Variants in MYH3 observed in about 807,000 individuals in gnomAD.
The protein encoded by MYH3 is myosin heavy chain 3.
In MYH3, 130 loss-of-function variants were observed where a neutral mutation model predicts 238.0. The ratio of observed to expected loss-of-function variants is 0.55; its 90% CI spans 0.47 to 0.63. The LOEUF (loss-of-function observed/expected upper bound fraction) is 0.63, where lower values mean the gene tolerates loss of function less well. Among genes scored for constraint, MYH3 ranks in the 30% least tolerant of loss-of-function variants. The pLI, the probability that MYH3 is intolerant of heterozygous loss-of-function variation, is 0.00. For synonymous variants in MYH3, 880 were observed against 924.1 expected (o/e 0.95, Z 0.86); for missense variants, 1,853 against 2,374.9 (o/e 0.78, Z 4.57).
At chr17:10,658,997 A>G (rs201612), upstream of MYH3, 86,474 of 151,934 alleles carry the variant, frequency 0.57, 26,917 homozygotes, top group African/African-American at 0.82. Flanking sequence ...GGGACAGGGC[A>G]AGCTGTCCTG....
At position 10,642,426 on chromosome 17, in the gene MYH3, T is replaced by C; in HGVS notation, c.1879A>G (p.Thr627Ala). 6.2e-7 allele frequency: 1 copy of C among 1,614,212 alleles called. No homozygotes were observed. ...LLAHLYATFA[T>A]ADADSGKKKV... Reference sequence around the variant, plus strand: ...AAAGCACTCCTCTTACCATCCGCCGTGGCAAACGTGGCATAGAGGTGTGCC... The same window carrying C: ...AAAGCACTCCTCTTACCATCCGCCGCGGCAAACGTGGCATAGAGGTGTGCC... The change falls in exon 16 of 41, where the codon ACG becomes GCG. Residue 627 changes from threonine to alanine, a missense_variant. Thr to Ala is a moderately conservative substitution (Grantham distance 58). Coordinates refer to ENST00000583535, the MANE Select transcript of MYH3 (RefSeq NM_002470.4). The surrounding 1 kb of genome is among the most constrained non-coding windows in gnomAD (Gnocchi z 5.4).
upstream of MYH3, among the ~76,000 whole-genome samples, chr17:10,662,236 G>A (rs776159897): frequency 2.6e-5 from 4 of 151,988 alleles, no homozygotes; most frequent in Non-Finnish European, 4.4e-5. Context: ...TGTTCAGGCT[G>A]GTCTCAAATT....
Position 10,649,558 on chromosome 17 carries a change from C to G in MYH3, c.642+19G>C. The G allele has an allele frequency of 5.0e-5, 78 of 1,551,176 alleles. No individual in the cohort carries two copies. Among genetic ancestry groups the G allele is most frequent in the Non-Finnish European group, 6.6e-5 (74 of 1,122,714 alleles). ...AGTTAAAAGTGGAAGCAAAGCAAGC[C>G]TTCCTCTCCCATCTATACCTTCATT... On this transcript the variant is annotated intron_variant, in intron 7 of 40. Coordinates refer to ENST00000583535, the MANE Select transcript of MYH3 (RefSeq NM_002470.4).
intron 6 of MYH3, among the ~76,000 whole-genome samples, 158 bp from the exon 7 acceptor site, chr17:10,649,843 G>C (rs926744157): frequency 4.6e-5 from 7 of 152,174 alleles, no homozygotes; most frequent in Non-Finnish European, 1.0e-4. Context: ...AGACGCCCAG[G>C]GCACAGGTGC....
rs753287976 is a variant in MYH3, at chr17:10,630,098, C to A, written c.5556G>T (p.Thr1852=). 4 of 1,613,988 alleles carry A rather than the reference C, an allele frequency of 2.5e-6. No individual in the cohort carries two copies. In the East Asian group the frequency reaches 8.9e-5, roughly 36 times the overall value. Residue 1852 remains threonine, a synonymous_variant, in exon 38 of 41, where the codon ACG becomes ACT. Coordinates refer to ENST00000583535, the MANE Select transcript of MYH3 (RefSeq NM_002470.4). ...GCGTTTGCGTTCCACTTACCTGGTACGTCAGCTCCTTGACCCTCCGCTCAT... is the reference window on the plus strand; with the variant it reads ...GCGTTTGCGTTCCACTTACCTGGTAAGTCAGCTCCTTGACCCTCCGCTCAT... ...RKYERRVKEL[T]YQSEEDRKNV...
At chr17:10,636,425 C>T (rs1233931645) in intron 28 of MYH3, among the ~76,000 whole-genome samples, 1 of 152,032 alleles carries the variant, frequency 6.6e-6, no homozygotes, top group African/African-American at 2.4e-5. Context: ...CATCAGACCT[C>T]CCCAGTGGCA....
At chr17:10,633,905 A>T in intron 32 of MYH3, 112 bp downstream of exon 32, 1 of 1,476,922 alleles carries the variant, frequency 6.8e-7, no homozygotes. Context: ...CTGCATGTGC[A>T]TTAACACACA....
Position 10,655,084 on chromosome 17 carries a change from AC to A in MYH3, c.-8-13del. 6.2e-7 allele frequency: 1 copy of A among 1,611,760 alleles called. No homozygotes were observed. The highest frequency in any genetic ancestry group is 8.5e-7 in the Non-Finnish European group (1 of 1,178,176). On this transcript the variant is annotated splice_polypyrimidine_tract_variant and intron_variant, in intron 2 of 40. Coordinates refer to ENST00000583535, the MANE Select transcript of MYH3 (RefSeq NM_002470.4). ...ACTCATGGTGTCAGCTGGAAGGCAA[AC>A]CCACCCGGTGAGCTCAGCAGCCCCC...
rs751709861 is a variant in MYH3 at position 10,647,224 on chromosome 17, T to C, written c.856A>G (p.Ile286Val). Residue 286 changes from isoleucine (I) to valine (V), a missense_variant, in exon 10 of 41, where the codon ATC becomes GTC. Physicochemically the swap from Ile to Val is conservative, Grantham distance 29. This residue lies in a region of MYH3 where 678 missense variants were observed against 1,058.9 expected (regional missense o/e 0.64). Coordinates refer to ENST00000583535, the MANE Select transcript of MYH3 (RefSeq NM_002470.4). ...FQLKAERSYH[I>V]FYQILSNKKP... ...TTGTTAGAAAGAATCTGGTAGAAGA[T>C]GTGGTAGCTTCTTTCAGCCTTCAGC... is the stretch of plus-strand genomic sequence containing the variant. 4 of 1,614,106 alleles carry C rather than the reference T, an allele frequency of 2.5e-6. No homozygotes were observed. Among genetic ancestry groups the C allele is most frequent in the Admixed American group, 3.3e-5 (2 of 60,000 alleles).
chr17:10,649,753 T>A, intron 6 of MYH3, 68 bp from the exon 7 acceptor site: 22 of 1,378,360 alleles, frequency 1.6e-5, no homozygotes, highest in South Asian at 2.3e-5. Flanking sequence ...TTTCAGGATG[T>A]CATACTGAGG....
At position 10,631,684 on chromosome 17, in the gene MYH3, A is replaced by C; in HGVS notation, c.5213T>G (p.Leu1738Arg). The C allele has an allele frequency of 6.2e-7, 1 of 1,613,880 alleles. No homozygotes were observed. The highest frequency in any genetic ancestry group is 8.5e-7 in the Non-Finnish European group (1 of 1,179,960). Residue 1738 changes from leucine (L) to arginine (R), a missense_variant, in exon 36 of 41, where the codon CTC (leucine) becomes CGC (arginine). By Grantham distance (102) the Leu-to-Arg change is moderately radical (BLOSUM62 -2). Transcript: ENST00000583535. ...GCTGGCATCTTCTACCTCACTCTGG[A>C]GCTGCATGAGGTCTGTCTCCAGCTT... The part of the protein sequence containing the change: ...KKKLETDLMQ[L>R]QSEVEDASRD...
At position 10,647,176 on chromosome 17, in the gene MYH3, C is replaced by T. The variant is rs373959012; in HGVS notation, c.898+6G>A. The T allele has an allele frequency of 6.2e-7, 1 of 1,608,796 alleles. No homozygotes were observed. ...AAAAGACCAGCCCCACTGGTGACTT[C>T]CTCACCTATGAGCTCAGGCTTCTTG... On this transcript the variant is annotated splice_donor_region_variant and intron_variant, in intron 10 of 40. Coordinates refer to ENST00000583535, the MANE Select transcript of MYH3 (RefSeq NM_002470.4).
Position 10,650,394 on chromosome 17 carries a change from T to A in MYH3, c.513A>T (p.Glu171Asp). 6.2e-7 allele frequency: 1 copy of A among 1,612,928 alleles called. No individual in the cohort carries two copies. The highest frequency in any genetic ancestry group is 2.2e-5 in the East Asian group (1 of 44,872). The change falls in exon 6 of 41, where the codon GAA (glutamate) becomes GAT (aspartate). Residue 171 changes from glutamate to aspartate, a missense_variant. Physicochemically the swap from Glu to Asp is conservative, Grantham distance 45. Transcript: ENST00000583535. ...CTTACGTGATCAGAATGGACTGGTT[T>A]TCACGATCTGCCAGAGGAAAAAATA... ...NAYQFMLTDR[E>D]NQSILITGES...
chr17:10,633,536 T>C, intron 33 of MYH3, 55 bp downstream of exon 33: 2 of 1,607,064 alleles, frequency 1.2e-6, no homozygotes, highest in Non-Finnish European at 1.7e-6. Context: ...CCAGCCTCCC[T>C]GGCCGTGGCT....
intron 14 of MYH3, 125 bp from the exon 15 acceptor site, chr17:10,643,121 A>G (rs940677253): frequency 1.2e-5 from 18 of 1,534,210 alleles, no homozygotes; most frequent in Non-Finnish European, 1.5e-5. Flanking sequence ...TACAATCACA[A>G]TCTTCAAGGC....
In MYH3 at chr17:10,645,368, G is replaced by A. The variant is rs1567559320; in HGVS notation, c.1141+339C>T. Among the ~76,000 whole-genome samples the A allele has an allele frequency of 4.6e-5, 7 of 152,082 alleles. No homozygotes were observed. In the South Asian group the frequency reaches 1.5e-3, roughly 32 times the overall value. On this transcript the variant is annotated intron_variant, in intron 12 of 40. Transcript: ENST00000583535. Reference sequence around the variant, plus strand: ...AATCACTTGAACCCAGGCAGCAGAGGTTGCAGTGAGCTGAGATCATGCCAC... The same window carrying A: ...AATCACTTGAACCCAGGCAGCAGAGATTGCAGTGAGCTGAGATCATGCCAC...
rs371145272 is a variant in MYH3, at chr17:10,635,851, C to T, written c.3859G>A (p.Glu1287Lys). Reference sequence around the variant, plus strand: ...TTTTCTTCCAGCTGACGACTCAGCTCACCTGTGTCCAGAAGGAAATAGTTT... The same window carrying T: ...TTTTCTTCCAGCTGACGACTCAGCTTACCTGTGTCCAGAAGGAAATAGTTT... ...QKSRLQTEAG[E>K]LSRQLEEKES... The change falls in exon 29 of 41, where the codon GAG becomes AAG. Residue 1287 changes from glutamate (E) to lysine (K), a missense_variant and splice_region_variant. This residue lies in a region of MYH3 where 1,044 missense variants were observed against 1,192.6 expected (regional missense o/e 0.88). Coordinates refer to ENST00000583535, the MANE Select transcript of MYH3 (RefSeq NM_002470.4). 6.8e-5 allele frequency: 109 copies of T among 1,609,140 alleles called. No individual in the cohort carries two copies. The highest frequency in any genetic ancestry group is 8.3e-5 in the Non-Finnish European group (98 of 1,175,590).
At chr17:10,668,181 G>A in the MYH3 span, among the ~76,000 whole-genome samples, 1 of 152,202 alleles carries the variant, frequency 6.6e-6, no homozygotes, top group Non-Finnish European at 1.5e-5. Context: ...GATCACCTGA[G>A]GTCAGGAGTT....
the MYH3 span, chr17:10,672,900 A>C: frequency 1.3e-5 from 2 of 152,320 alleles, no homozygotes; most frequent in Admixed American, 1.3e-4. Flanking sequence ...TTACAACTGG[A>C]TGCTGAGTAG....
Sources: gnomAD v4.1 joint callset for allele counts (sites outside exome capture counted in the v4.1 genomes callset) on GRCh38, gnomAD v4.1.1 for gene constraint, gnomAD v4.1.1 regional missense constraint, Gnocchi (gnomAD v3.1) non-coding constraint, MANE v1.5 for transcripts, NCBI Gene and HGNC (gene_info 2026-07-23, HGNC 2026-07-21) for gene names.